The following PDE4D variants were observed in gnomAD, a reference collection of about 807,000 sequenced individuals.
PDE4D encodes the protein 3',5'-cyclic-AMP phosphodiesterase 4D.
In PDE4D, 24 loss-of-function variants were observed where a neutral mutation model predicts 87.4. The ratio of observed to expected loss-of-function variants is 0.27; its 90% CI spans 0.20 to 0.39. The LOEUF is 0.39. Among genes scored for constraint, PDE4D ranks in the 10% least tolerant of loss-of-function variants. PDE4D has a pLI of 1.00. For synonymous variants in PDE4D, 384 were observed against 383.2 expected (o/e 1.00, Z -0.02); for missense variants, 714 against 1,041.0 (o/e 0.69, Z 4.32).
At chr5:59,522,260 A>C (rs1812376449) in intron 1 of PDE4D, among the ~76,000 whole-genome samples, 1 of 152,216 alleles carries the variant, frequency 6.6e-6, no homozygotes, top group African/African-American at 2.4e-5. Context: ...GAGGAAAATT[A>C]AATTTAAGAG....
At chr5:59,685,680 C>T (rs903271485) in intron 1 of PDE4D, among the ~76,000 whole-genome samples, 1 of 152,076 alleles carries the variant, frequency 6.6e-6, no homozygotes, top group Admixed American at 6.6e-5. Flanking sequence ...GAAATTAAAT[C>T]TTCAATTATT....
chr5:60,025,041 C>T (rs1427265300), intron 2 of PDE4D, among the ~76,000 whole-genome samples: 1 of 152,026 alleles, frequency 6.6e-6, no homozygotes, highest in African/African-American at 2.4e-5. Context: ...AAAAGAGGCA[C>T]TTGAGATGTA....
intron 6 of PDE4D, among the ~76,000 whole-genome samples, chr5:59,002,782 A>G (rs1436275515): frequency 6.6e-6 from 1 of 152,230 alleles, no homozygotes. Flanking sequence ...CAAAGCCATG[A>G]AAACTAATAA....
intron 1 of PDE4D, among the ~76,000 whole-genome samples, chr5:59,682,218 T>G (rs1443951494): frequency 1.3e-5 from 2 of 152,162 alleles, no homozygotes; most frequent in African/African-American, 4.8e-5. Context: ...TAACAGCATA[T>G]TTACATGCTC....
intron 1 of PDE4D, among the ~76,000 whole-genome samples, chr5:60,386,996 TC>T (rs1414065540): frequency 6.6e-6 from 1 of 152,232 alleles, no homozygotes; most frequent in Non-Finnish European, 1.5e-5. Flanking sequence ...CCCATTTGCA[TC>T]CTTATAGTTT....
At chr5:59,771,500 A>AG (rs70975332) in intron 1 of PDE4D, among the ~76,000 whole-genome samples, 50 of 4,480 alleles carry the variant, frequency 0.011, no homozygotes, top group Admixed American at 0.039. Context: ...AGAGAGAGAG[A>AG]AGAAAGAAAG....
intron 1 of PDE4D, among the ~76,000 whole-genome samples, chr5:59,706,432 A>G (rs1753419847): frequency 6.6e-6 from 1 of 152,176 alleles, no homozygotes. Context: ...AACACTGGGA[A>G]TTTGGGTAAT....
At chr5:59,395,748 C>T (rs1462619046) in intron 1 of PDE4D, among the ~76,000 whole-genome samples, 1 of 130,678 alleles carries the variant, frequency 7.7e-6, no homozygotes, top group Non-Finnish European at 1.6e-5. Context: ...CTTTGACGAG[C>T]TGAGAGAAGA....
intron 1 of PDE4D, among the ~76,000 whole-genome samples, chr5:59,874,295 G>A (rs1376933470): frequency 3.3e-5 from 5 of 152,194 alleles, no homozygotes; most frequent in African/African-American, 4.8e-5. Context: ...CATCTCCATG[G>A]TATTTGCACA....
chr5:59,052,755 A>T (rs1761733785), intron 5 of PDE4D, among the ~76,000 whole-genome samples: 1 of 152,232 alleles, frequency 6.6e-6, no homozygotes, highest in Non-Finnish European at 1.5e-5. Context: ...ATTCCCTAGA[A>T]GGTGGCCTCC....
intron 1 of PDE4D, among the ~76,000 whole-genome samples, chr5:59,241,671 G>A (rs183330374): frequency 6.6e-6 from 1 of 152,094 alleles, no homozygotes; most frequent in Non-Finnish European, 1.5e-5. Context: ...GACACTCAGG[G>A]GACTAAGTTA....
chr5:59,097,181 T>A (rs1269478496), intron 5 of PDE4D, among the ~76,000 whole-genome samples: 1 of 152,182 alleles, frequency 6.6e-6, no homozygotes, highest in Non-Finnish European at 1.5e-5. Flanking sequence ...CAAGCAAAAC[T>A]AACCAAAGAG....
intron 2 of PDE4D, among the ~76,000 whole-genome samples, chr5:60,123,035 T>A (rs1778824129): frequency 6.6e-6 from 1 of 152,208 alleles, no homozygotes; most frequent in Non-Finnish European, 1.5e-5. Context: ...AGAATCACCT[T>A]TGCTACAGTT....
At chr5:59,546,055 GT>G (rs1817216178) in intron 1 of PDE4D, among the ~76,000 whole-genome samples, 1 of 152,038 alleles carries the variant, frequency 6.6e-6, no homozygotes, top group African/African-American at 2.4e-5. Context: ...TACAACAGTT[GT>G]TTGGTTTACC....
chr5:59,659,653 A>G (rs1459524836), intron 1 of PDE4D, among the ~76,000 whole-genome samples: 1 of 152,236 alleles, frequency 6.6e-6, no homozygotes, highest in Non-Finnish European at 1.5e-5. Context: ...GACAGTGTCC[A>G]GCTACAGTAA....
intron 1 of PDE4D, among the ~76,000 whole-genome samples, chr5:59,812,321 T>C (rs2152679991): frequency 6.6e-6 from 1 of 152,334 alleles, no homozygotes; most frequent in Non-Finnish European, 1.5e-5. Context: ...AGGATGGTTG[T>C]AGCCCTGTTT....
chr5:59,472,610 T>C (rs1802625454), intron 1 of PDE4D, among the ~76,000 whole-genome samples: 1 of 152,188 alleles, frequency 6.6e-6, no homozygotes, highest in African/African-American at 2.4e-5. Context: ...ATAGGAATTT[T>C]ATGAATTGAT....
At chr5:60,093,789 G>GC (rs1554152967) in intron 2 of PDE4D, among the ~76,000 whole-genome samples, 2 of 151,784 alleles carry the variant, frequency 1.3e-5, no homozygotes, top group African/African-American at 4.8e-5. Context: ...ATGTAAAAAT[G>GC]TTTTTTGCAA....
At chr5:59,946,672 T>C (rs17374354) in intron 3 of PDE4D, among the ~76,000 whole-genome samples, 34,579 of 152,180 alleles carry the variant, frequency 0.23, 5,045 homozygotes, top group Admixed American at 0.34. Flanking sequence ...GAGGGGCTTA[T>C]TTTGCAGAAT....
Sources: gnomAD v4.1 joint callset for allele counts (sites outside exome capture counted in the v4.1 genomes callset) on GRCh38, gnomAD v4.1.1 for gene constraint, MANE v1.5 for transcripts, NCBI Gene and HGNC (gene_info 2026-07-23, HGNC 2026-07-21) for gene names.